Variants in SIK2 observed in about 807,000 individuals in gnomAD.
SIK2 encodes serine/threonine-protein kinase SIK2.
In SIK2, 29 loss-of-function variants were observed where a neutral mutation model predicts 103.2. The observed-to-expected ratio is 0.28, with a 90% CI of 0.21 to 0.38. SIK2 has a LOEUF of 0.38. SIK2 is among the 10% of genes least tolerant of loss of function. The pLI, the probability that SIK2 is intolerant of heterozygous loss-of-function variation, is 1.00. For synonymous variants in SIK2, 412 were observed against 446.1 expected (o/e 0.92, Z 0.96); for missense variants, 879 against 1,171.0 (o/e 0.75, Z 3.64).
chr11:111,716,933 A>G (rs1943657664), intron 9 of SIK2, among the ~76,000 whole-genome samples: 1 of 152,204 alleles, frequency 6.6e-6, no homozygotes, highest in African/African-American at 2.4e-5. Context: ...CAAATTTACA[A>G]GAAAAATCCC....
chr11:111,618,041 A>T (rs1003570157), intron 2 of SIK2, among the ~76,000 whole-genome samples: 1 of 152,056 alleles, frequency 6.6e-6, no homozygotes, highest in Non-Finnish European at 1.5e-5. Flanking sequence ...AGTGCATGAC[A>T]GTGTGTTTGG....
At chr11:111,713,707 G>A (rs578071297) in intron 9 of SIK2, among the ~76,000 whole-genome samples, 2 of 152,348 alleles carry the variant, frequency 1.3e-5, no homozygotes, top group East Asian at 3.9e-4. Context: ...GGTGGCTTAC[G>A]CCTGTAATCG....
At chr11:111,643,495 T>TGTAGA (rs751638444) in intron 3 of SIK2, among the ~76,000 whole-genome samples, 12 of 151,740 alleles carry the variant, frequency 7.9e-5, no homozygotes, top group Admixed American at 7.9e-4. Flanking sequence ...TATTTGAAAA[T>TGTAGA]GTAGAGTAGA....
intron 3 of SIK2, among the ~76,000 whole-genome samples, chr11:111,654,022 A>G (rs1942360642): frequency 6.6e-6 from 1 of 152,236 alleles, no homozygotes; most frequent in Non-Finnish European, 1.5e-5. Flanking sequence ...AAGAATTTGA[A>G]GCAAAAGACT....
Position 111,720,474 on chromosome 11 carries a change from A to C in SIK2, c.1496-4A>C. On this transcript the variant is annotated splice_polypyrimidine_tract_variant and splice_region_variant and intron_variant, in intron 10 of 14. Coordinates refer to ENST00000304987, the MANE Select transcript of SIK2 (RefSeq NM_015191.3). ...GGTTTTATCTGTTCTGTTTTCTCTT[A>C]AAGGGAAAATTTTCTCCATGAATGA... 6.3e-7 allele frequency: 1 copy of C among 1,594,870 alleles called. No homozygotes were observed. The highest frequency in any genetic ancestry group is 8.5e-7 in the Non-Finnish European group (1 of 1,171,118).
At chr11:111,679,451 T>A (rs1204850753) in intron 3 of SIK2, among the ~76,000 whole-genome samples, 1 of 152,210 alleles carries the variant, frequency 6.6e-6, no homozygotes, top group Non-Finnish European at 1.5e-5. Context: ...AAGCAACAAT[T>A]TCCTTAATTT....
At chr11:111,696,024 G>T (rs1448716168) in intron 4 of SIK2, among the ~76,000 whole-genome samples, 3 of 152,198 alleles carry the variant, frequency 2.0e-5, no homozygotes, top group Admixed American at 6.5e-5. Context: ...TCCTTGGTCT[G>T]CTGCGGCTGG....
At chr11:111,719,340 A>C (rs12290221) in intron 9 of SIK2, among the ~76,000 whole-genome samples, 3 of 145,492 alleles carry the variant, frequency 2.1e-5, no homozygotes, top group Non-Finnish European at 3.0e-5. Flanking sequence ...AAATAGAAGA[A>C]TCTTGGTGAC....
intron 3 of SIK2, among the ~76,000 whole-genome samples, chr11:111,672,903 C>A (rs1456437114): frequency 6.6e-6 from 1 of 152,182 alleles, no homozygotes; most frequent in African/African-American, 2.4e-5. Flanking sequence ...GAGAAAGATA[C>A]CAAACTGTAT....
chr11:111,665,850 GAAAAAGAAAAAA>G (rs1475253925), intron 3 of SIK2, among the ~76,000 whole-genome samples: 1 of 145,932 alleles, frequency 6.9e-6, no homozygotes, highest in Non-Finnish European at 1.5e-5. Context: ...AAGAAAGAAA[GAAAAAGAAAAAA>G]AAAAAGAAAA....
At chr11:111,603,476 T>C (rs1941610999) in intron 1 of SIK2, among the ~76,000 whole-genome samples, 1 of 152,130 alleles carries the variant, frequency 6.6e-6, no homozygotes, top group African/African-American at 2.4e-5. Flanking sequence ...CTTTAAACCA[T>C]ATCAGATTCT....
At chr11:111,684,747 C>T (rs1037482920) in intron 3 of SIK2, among the ~76,000 whole-genome samples, 1 of 152,176 alleles carries the variant, frequency 6.6e-6, no homozygotes, top group African/African-American at 2.4e-5. Context: ...TCTCTGTTGG[C>T]AGTTTGGACA....
chr11:111,693,570 AT>A (rs1305707178), intron 4 of SIK2, among the ~76,000 whole-genome samples: 3 of 152,240 alleles, frequency 2.0e-5, no homozygotes, highest in Admixed American at 6.5e-5. Context: ...GATGAGGAAT[AT>A]TTAGTTTTAT....
intron 3 of SIK2, among the ~76,000 whole-genome samples, chr11:111,625,115 G>T (rs1002782406): frequency 6.6e-6 from 1 of 152,126 alleles, no homozygotes; most frequent in African/African-American, 2.4e-5. Context: ...GGCAGATTTG[G>T]GGGCATTGTG....
intron 3 of SIK2, among the ~76,000 whole-genome samples, chr11:111,687,143 A>T (rs534227136): frequency 1.4e-4 from 22 of 152,130 alleles, no homozygotes; most frequent in Non-Finnish European, 1.9e-4. Context: ...GTTGAGTTGT[A>T]CTGTGAATAT....
intron 1 of SIK2, among the ~76,000 whole-genome samples, chr11:111,605,183 G>A (rs1386806891): frequency 1.1e-4 from 16 of 151,908 alleles, no homozygotes; most frequent in African/African-American, 1.5e-4. Context: ...GGCTGGTTTC[G>A]AACTCCTGAC....
At chr11:111,721,227 C>T (rs1453228894) in intron 12 of SIK2, among the ~76,000 whole-genome samples, 165 bp downstream of exon 12, 4 of 152,184 alleles carry the variant, frequency 2.6e-5, no homozygotes, top group African/African-American at 4.8e-5. Context: ...CTGCCACTGA[C>T]GGGTTCAACC....
At chr11:111,700,774 A>C in intron 4 of SIK2, 112 bp from the exon 5 acceptor site, 1 of 1,312,444 alleles carries the variant, frequency 7.6e-7, no homozygotes, top group Non-Finnish European at 1.0e-6. Context: ...CCCAGTCCTC[A>C]CAGTAAATAG....
intron 4 of SIK2, among the ~76,000 whole-genome samples, chr11:111,696,766 T>C (rs1943081053): frequency 6.6e-6 from 1 of 152,216 alleles, no homozygotes; most frequent in Non-Finnish European, 1.5e-5. Flanking sequence ...GACATGTGTA[T>C]GGAATGCTGA....
Sources: allele counts gnomAD v4.1 joint callset (sites outside exome capture counted in the v4.1 genomes callset), GRCh38; gene constraint gnomAD v4.1.1; transcripts MANE v1.5; gene names NCBI Gene and HGNC (gene_info 2026-07-23, HGNC 2026-07-21).